CSMD1: variants seen among roughly 807,000 people sequenced by gnomAD.
CSMD1 encodes the protein CUB and Sushi multiple domains 1, also known as CUB and sushi domain-containing protein 1.
In CSMD1, 213 loss-of-function variants were observed where a neutral mutation model predicts 417.5. That is an observed-to-expected ratio of 0.51 (90% confidence interval 0.46 to 0.57). The LOEUF is 0.57. Among genes scored for constraint, CSMD1 ranks in the 20% least tolerant of loss-of-function variants. The probability of loss-of-function intolerance (pLI) is 0.00; values close to 1 mark genes in which losing one functional copy is unlikely to be tolerated. For synonymous variants in CSMD1, 2,862 were observed against 1,736.8 expected, an observed-to-expected ratio of 1.65 and a Z score of -16.11; for missense variants, 6,923 against 4,529.7, an observed-to-expected ratio of 1.53 and a Z score of -15.17.
chr8:3,694,101 T>A (rs62474723), intron 7 of CSMD1, among the ~76,000 whole-genome samples: 143,565 of 151,498 alleles, frequency 0.95, 68,109 homozygotes, highest in East Asian at 1. Flanking sequence ...TTGTGTGTGT[T>A]TTGGGTATAG....
chr8:3,747,701 A>T (rs1292079970), intron 6 of CSMD1, among the ~76,000 whole-genome samples: 3 of 152,124 alleles, frequency 2.0e-5, no homozygotes, highest in Non-Finnish European at 4.4e-5. Flanking sequence ...TGTTGGACAC[A>T]TGCCTGAAAT....
intron 1 of CSMD1, among the ~76,000 whole-genome samples, chr8:4,700,505 T>C (rs964994881): frequency 2.0e-5 from 3 of 152,124 alleles, no homozygotes; most frequent in African/African-American, 7.2e-5. Flanking sequence ...ACTATGCATG[T>C]TACAATGAAA....
At chr8:4,705,854 G>A (rs550545823) in intron 1 of CSMD1, among the ~76,000 whole-genome samples, 1 of 152,038 alleles carries the variant, frequency 6.6e-6, no homozygotes, top group South Asian at 2.1e-4. Context: ...TGTCCTGGGG[G>A]CACTTTAAAA....
chr8:4,695,596 C>G (rs902116574), intron 1 of CSMD1, among the ~76,000 whole-genome samples: 3 of 152,088 alleles, frequency 2.0e-5, no homozygotes, highest in Admixed American at 1.3e-4. Context: ...CCCTATCCCC[C>G]CCACCACACA....
At chr8:3,635,723 T>G (rs1044689812) in intron 7 of CSMD1, among the ~76,000 whole-genome samples, 3 of 146,328 alleles carry the variant, frequency 2.1e-5, no homozygotes, top group African/African-American at 5.1e-5. Flanking sequence ...GACCTCGTGA[T>G]CTGCCCGCCT....
chr8:3,758,807 C>A (rs1797822575), intron 5 of CSMD1, among the ~76,000 whole-genome samples: 1 of 152,058 alleles, frequency 6.6e-6, no homozygotes, highest in Non-Finnish European at 1.5e-5. Context: ...CTTTGCAGAA[C>A]AATGCGCTTA....
chr8:3,690,172 A>G (rs1800162087), intron 7 of CSMD1, among the ~76,000 whole-genome samples: 1 of 152,206 alleles, frequency 6.6e-6, no homozygotes, highest in Non-Finnish European at 1.5e-5. Flanking sequence ...CAGCCTGGGC[A>G]ACAGGGCAAG....
At chr8:4,199,946 A>T (rs1384816135) in intron 3 of CSMD1, among the ~76,000 whole-genome samples, 1 of 152,182 alleles carries the variant, frequency 6.6e-6, no homozygotes, top group Admixed American at 6.5e-5. Context: ...GTTTCAACCA[A>T]TGTAGAAAAA....
intron 3 of CSMD1, among the ~76,000 whole-genome samples, chr8:4,085,503 T>C (rs1238047003): frequency 6.6e-6 from 1 of 152,220 alleles, no homozygotes; most frequent in African/African-American, 2.4e-5. Context: ...TCCAATTCTT[T>C]CCTAATATAA....
At chr8:4,953,978 G>A (rs1431801303) in intron 1 of CSMD1, among the ~76,000 whole-genome samples, 2 of 152,026 alleles carry the variant, frequency 1.3e-5, no homozygotes, top group Non-Finnish European at 2.9e-5. Flanking sequence ...AAATACTACC[G>A]AGATTACCAG....
intron 23 of CSMD1, among the ~76,000 whole-genome samples, chr8:3,328,901 T>G (rs1007608615): frequency 3.3e-5 from 5 of 152,228 alleles, no homozygotes; most frequent in African/African-American, 1.2e-4. Context: ...TATCATTCCT[T>G]CAAAATAAGA....
chr8:4,303,528 T>C (rs73502662), intron 3 of CSMD1, among the ~76,000 whole-genome samples: 4,529 of 141,738 alleles, frequency 0.032, 242 homozygotes, highest in African/African-American at 0.11. Flanking sequence ...ATTCAAAGAT[T>C]CTGTAAAAGG....
At chr8:3,561,468 T>A (rs1025152630) in intron 10 of CSMD1, among the ~76,000 whole-genome samples, 9 of 151,940 alleles carry the variant, frequency 5.9e-5, no homozygotes, top group African/African-American at 1.9e-4. Context: ...GATACATTTC[T>A]TGGCAATATG....
chr8:3,247,777 A>T (rs1228343267), intron 26 of CSMD1, among the ~76,000 whole-genome samples: 1 of 152,178 alleles, frequency 6.6e-6, no homozygotes, highest in East Asian at 1.9e-4. Context: ...ACAACAAAAA[A>T]CCAAATTACA....
At chr8:3,753,099 G>T (rs1034100359) in intron 6 of CSMD1, among the ~76,000 whole-genome samples, 2 of 152,148 alleles carry the variant, frequency 1.3e-5, no homozygotes, top group Non-Finnish European at 2.9e-5. Flanking sequence ...TGCAGGGCTT[G>T]GTGTCCTCTC....
At chr8:4,750,975 G>A (rs1381165778) in intron 1 of CSMD1, among the ~76,000 whole-genome samples, 1 of 152,188 alleles carries the variant, frequency 6.6e-6, no homozygotes. Context: ...CACTTTAAGG[G>A]AAGGCTTTAA....
At position 4,266,278 on chromosome 8, in the gene CSMD1, T is replaced by C; in HGVS notation, c.415+153675A>G. Among the ~76,000 whole-genome samples, 2 of 105,572 alleles carry C rather than the reference T, an allele frequency of 1.9e-5. 1 individual carries two copies. Among genetic ancestry groups the C allele is most frequent in the Non-Finnish European group, 5.1e-5 (2 of 39,294 alleles). 69.3% of individuals were successfully genotyped at this position (105,572 alleles called of 152,430 possible). A position where few individuals can be genotyped will look rare whatever the true frequency, so the allele number is the denominator to read the frequency against. On this transcript the variant is annotated intron_variant, in intron 3 of 69. Transcript: ENST00000635120. ...AAATTTAATACCAAAGAAAATTTTA[T>C]AAATTTTTGTTTTCTATGTAAGAGA...
chr8:3,630,483 T>C (rs1796723960), intron 7 of CSMD1, among the ~76,000 whole-genome samples: 1 of 152,084 alleles, frequency 6.6e-6, no homozygotes. Context: ...GAAAGATGCT[T>C]AGATGAGAAG....
chr8:3,837,558 CAAT>C (rs1021156886), intron 5 of CSMD1, among the ~76,000 whole-genome samples: 3 of 152,070 alleles, frequency 2.0e-5, no homozygotes, highest in Non-Finnish European at 4.4e-5. Flanking sequence ...ATAACATTAC[CAAT>C]AATGATACTT....
Sources: gnomAD v4.1 joint callset for allele counts (sites outside exome capture counted in the v4.1 genomes callset) on GRCh38, gnomAD v4.1.1 for gene constraint, MANE v1.5 for transcripts, NCBI Gene and HGNC (gene_info 2026-07-23, HGNC 2026-07-21) for gene names.